Variants in ZNF254 observed in about 807,000 individuals in gnomAD.
The protein encoded by ZNF254 is CTD-2017D11.1.
Under a neutral mutation model 12.4 loss-of-function variants are expected in ZNF254, and 10 were observed. That is an observed-to-expected ratio of 0.80 (90% CI 0.50 to 1.36). The LOEUF (loss-of-function observed/expected upper bound fraction) is 1.36, where lower values mean the gene tolerates loss of function less well. Among genes scored for constraint, ZNF254 ranks in the 40% most tolerant of loss-of-function variants. ZNF254 has a pLI of 0.00. For synonymous variants in ZNF254, 305 were observed against 253.4 expected (o/e 1.20, Z -1.93); for missense variants, 996 against 763.9 (o/e 1.30, Z -3.58).
intron 3 of ZNF254, among the ~76,000 whole-genome samples, chr19:24,110,973 A>G (rs866463430): frequency 6.6e-6 from 1 of 151,602 alleles, no homozygotes; most frequent in Non-Finnish European, 1.5e-5. Context: ...TTATTATACT[A>G]CAAGTTTTAG....
chr19:24,040,054 G>T (rs999067867), intron 1 of ZNF254, among the ~76,000 whole-genome samples: 2 of 152,272 alleles, frequency 1.3e-5, no homozygotes. Flanking sequence ...GCTTAGAAAA[G>T]ATAGAACACA....
rs563441108 is a variant in ZNF254, at chr19:24,102,445, C to A, written c.31-3495C>A. On this transcript the variant is annotated intron_variant, in intron 1 of 3. Transcript: ENST00000357002. ...AAAAGAAACATAAAAAAAAAATACTCCCCAGTGGTGTAAAGAACAGAATTT... is the reference window on the plus strand; with the variant it reads ...AAAAGAAACATAAAAAAAAAATACTACCCAGTGGTGTAAAGAACAGAATTT... Among the ~76,000 whole-genome samples, 4 of 151,110 alleles carry A rather than the reference C, an allele frequency of 2.6e-5. No individual in the cohort carries two copies. In the East Asian group the frequency reaches 7.8e-4, roughly 29 times the overall value.
rs2146035386 is a variant in ZNF254 at position 24,127,785 on chromosome 19, T to C, written c.1785T>C (p.Ile595=). The C allele has an allele frequency of 1.2e-6, 2 of 1,612,490 alleles. No individual in the cohort carries two copies. Among genetic ancestry groups the C allele is most frequent in the East Asian group, 4.5e-5 (2 of 44,786 alleles). The change falls in exon 4 of 4, where the codon ATT becomes ATC. Residue 595 remains isoleucine, a synonymous_variant. Coordinates refer to ENST00000357002, the MANE Select transcript of ZNF254 (RefSeq NM_203282.4). ...RSSTFTKHKV[I]HTGVKPYKCE... The stretch of plus-strand genomic sequence containing the variant: ...CAACTTTTACTAAACATAAGGTAAT[T>C]CATACTGGAGTAAAACCCTACAAAT...
chr19:24,034,669 G>T (rs1969897951), intron 1 of ZNF254, among the ~76,000 whole-genome samples: 1 of 151,644 alleles, frequency 6.6e-6, no homozygotes, highest in Admixed American at 6.6e-5. Flanking sequence ...TTTTTGCGGG[G>T]TTTCACCATT....
At position 24,115,163 on chromosome 19, in the gene ZNF254, A is replaced by T. The variant is rs1215128146; in HGVS notation, c.253+8520A>T. On this transcript the variant is annotated intron_variant, in intron 3 of 3. Coordinates refer to ENST00000357002, the MANE Select transcript of ZNF254 (RefSeq NM_203282.4). The stretch of plus-strand genomic sequence containing the variant: ...CTAGAAATACCATTTGACCCACCCA[A>T]CCCATTACTGGGTAGATACCCAAAG... Among the ~76,000 whole-genome samples the T allele has an allele frequency of 1.6e-3, 244 of 151,098 alleles. 3 individuals carry two copies. In the South Asian group the frequency reaches 0.02, roughly 12 times the overall value.
chr19:24,087,051 T>A (rs975525091), upstream of ZNF254: 8 of 455,754 alleles, frequency 1.8e-5, no homozygotes, highest in Non-Finnish European at 3.3e-5. Flanking sequence ...CAGCCTAGGG[T>A]GTGATCACAT....
At position 24,128,262 on chromosome 19, in the gene ZNF254, G is replaced by T. The variant is rs969326833; in HGVS notation, c.*282G>T. 2.1e-5 allele frequency: 7 copies of T among 331,816 alleles called. No homozygotes were observed. The highest frequency in any genetic ancestry group is 1.1e-4 in the African/African-American group (5 of 47,018). 20.6% of individuals were successfully genotyped at this position (331,816 alleles called of 1,614,324 possible). On this transcript the variant is annotated 3_prime_UTR_variant, in exon 4 of 4. Transcript: ENST00000357002. ...ACAATGCTCACACCCTATTGCACAG[G>T]AAAGCATTTATACTTGAGAAGAAAT...
chr19:24,034,579 CCT>C (rs1471146099), intron 1 of ZNF254, among the ~76,000 whole-genome samples: 1 of 145,670 alleles, frequency 6.9e-6, no homozygotes, highest in African/African-American at 2.6e-5. Flanking sequence ...CACACTGCAA[CCT>C]CTGTCTCCCA....
intron 2 of ZNF254, among the ~76,000 whole-genome samples, chr19:24,064,343 T>C (rs1439768846): frequency 6.6e-6 from 1 of 152,110 alleles, no homozygotes; most frequent in African/African-American, 2.4e-5. Flanking sequence ...CTTTTTTACC[T>C]AGGCCCACCC....
At chr19:24,048,713 T>C (rs1045588434) in intron 2 of ZNF254, among the ~76,000 whole-genome samples, 1 of 151,924 alleles carries the variant, frequency 6.6e-6, no homozygotes, top group African/African-American at 2.4e-5. Context: ...TTTTTCCCTC[T>C]CTCTCTCATG....
At chr19:24,095,583 G>A (rs552729972) in intron 1 of ZNF254, among the ~76,000 whole-genome samples, 2 of 152,096 alleles carry the variant, frequency 1.3e-5, no homozygotes, top group South Asian at 2.1e-4. Flanking sequence ...CATCTATTTA[G>A]GGGTTTCATT....
chr19:24,070,661 A>G (rs1971447892), intron 2 of ZNF254, among the ~76,000 whole-genome samples: 1 of 152,202 alleles, frequency 6.6e-6, no homozygotes, highest in African/African-American at 2.4e-5. Context: ...GGAATTATTC[A>G]TGTTATTCCT....
rs781087276 is a variant in ZNF254, at chr19:24,126,555, A to G, written c.555A>G (p.Lys185=). 2 of 1,603,994 alleles carry G rather than the reference A, an allele frequency of 1.2e-6. No homozygotes were observed. The highest frequency in any genetic ancestry group is 1.1e-5 in the South Asian group (1 of 88,488). ...CTGAAAAGAAATCTTTCAAATGTAAAAAACGTGTCAAATTATTTTGCATGC... is the reference window on the plus strand; with the variant it reads ...CTGAAAAGAAATCTTTCAAATGTAAGAAACGTGTCAAATTATTTTGCATGC... The part of the protein sequence containing the change: ...RHTEKKSFKC[K]KRVKLFCMLS... Residue 185 remains lysine (K), a synonymous_variant, in exon 4 of 4, where the codon AAA becomes AAG. Transcript: ENST00000357002.
intron 3 of ZNF254, among the ~76,000 whole-genome samples, chr19:24,116,656 T>C (rs1194164156): frequency 2.6e-5 from 4 of 152,184 alleles, no homozygotes; most frequent in Admixed American, 6.5e-5. Context: ...CTCCTGTAGC[T>C]GGGAGTAGTT....
intron 2 of ZNF254, among the ~76,000 whole-genome samples, chr19:24,073,865 T>G (rs1599646183): frequency 6.6e-6 from 1 of 152,316 alleles, no homozygotes; most frequent in Non-Finnish European, 1.5e-5. Flanking sequence ...TGCAGGATTG[T>G]TAATTTTATC....
chr19:24,068,704 T>A (rs1470646989), intron 2 of ZNF254, among the ~76,000 whole-genome samples: 2 of 152,202 alleles, frequency 1.3e-5, no homozygotes, highest in African/African-American at 4.8e-5. Flanking sequence ...CAAAAAAGAT[T>A]GTGACATACC....
At chr19:24,099,624 G>T (rs1316130384) in intron 1 of ZNF254, among the ~76,000 whole-genome samples, 3 of 152,188 alleles carry the variant, frequency 2.0e-5, no homozygotes, top group Admixed American at 6.5e-5. Flanking sequence ...TCATGAAGAT[G>T]TGAAAAGCTT....
intron 1 of ZNF254, chr19:24,091,810 G>C (rs1972399918): frequency 1.0e-6 from 1 of 980,236 alleles, no homozygotes; most frequent in South Asian, 4.7e-5. Context: ...CTGTTATTTT[G>C]ATTTTTGAGT....
chr19:24,079,342 C>T (rs1398648317), intron 2 of ZNF254: 1 of 152,164 alleles, frequency 6.6e-6, no homozygotes. Context: ...CCTGAAAGTT[C>T]TATTGAGAAC....
Sources: allele counts gnomAD v4.1 joint callset (sites outside exome capture counted in the v4.1 genomes callset), GRCh38; gene constraint gnomAD v4.1.1; transcripts MANE v1.5; gene names NCBI Gene and HGNC (gene_info 2026-07-23, HGNC 2026-07-21).